Variants in GABRR1 observed in about 807,000 individuals in gnomAD.
GABRR1 encodes the protein gamma-aminobutyric acid type A receptor subunit rho1.
In GABRR1, 59 loss-of-function variants were observed where a neutral mutation model predicts 55.5. That is an observed-to-expected ratio of 1.06 (90% CI 0.86 to 1.32). The LOEUF is 1.32. GABRR1 is among the 40% of genes most tolerant of loss of function. The probability of loss-of-function intolerance (pLI) is 0.00; values close to 1 mark genes in which losing one functional copy is unlikely to be tolerated. For synonymous variants in GABRR1, 213 were observed against 226.0 expected, an observed-to-expected ratio of 0.94 and a Z score of 0.51; for missense variants, 602 against 619.1, an observed-to-expected ratio of 0.97 and a Z score of 0.29.
intron 2 of GABRR1, among the ~76,000 whole-genome samples, chr6:89,202,532 A>T (rs1763607877): frequency 6.6e-6 from 1 of 151,816 alleles, no homozygotes; most frequent in Admixed American, 6.6e-5. Flanking sequence ...GCCTCAAGTG[A>T]TCCACCCACC....
intron 5 of GABRR1, among the ~76,000 whole-genome samples, chr6:89,193,394 T>C (rs1223972304): frequency 6.6e-6 from 1 of 152,014 alleles, no homozygotes; most frequent in Non-Finnish European, 1.5e-5. Flanking sequence ...AGATCTCTCT[T>C]TTTTTTTCAT....
intron 6 of GABRR1, 45 bp from the exon 7 acceptor site, chr6:89,185,495 C>G: frequency 6.4e-7 from 1 of 1,566,698 alleles, no homozygotes; most frequent in South Asian, 1.1e-5. Flanking sequence ...GGTGGCAAGA[C>G]AGGATGGTCT....
intron 7 of GABRR1, 35 bp from the exon 8 acceptor site, chr6:89,182,092 A>T (rs1343506723): frequency 6.2e-7 from 1 of 1,608,426 alleles, no homozygotes; most frequent in African/African-American, 1.3e-5. Flanking sequence ...AGTACACATC[A>T]TGGCTCCTTC....
At chr6:89,223,681 G>T (rs1186899) in intron 1 of GABRR1, among the ~76,000 whole-genome samples, 96,606 of 150,840 alleles carry the variant, frequency 0.64, 31,128 homozygotes, top group African/African-American at 0.7. Context: ...TGTAGAAGTG[G>T]TTCCTTTTCA....
At chr6:89,192,406 G>A (rs1772127201) in intron 5 of GABRR1, among the ~76,000 whole-genome samples, 1 of 152,048 alleles carries the variant, frequency 6.6e-6, no homozygotes, top group African/African-American at 2.4e-5. Context: ...TAACTGCACA[G>A]TGTCCCAAAC....
chr6:89,211,247 T>C (rs1772825697), intron 1 of GABRR1, among the ~76,000 whole-genome samples: 1 of 152,150 alleles, frequency 6.6e-6, no homozygotes, highest in Non-Finnish European at 1.5e-5. Flanking sequence ...ATCCAGTCCA[T>C]AATCCCACAG....
chr6:89,230,944 GGT>G (rs1204499105), intron 1 of GABRR1, among the ~76,000 whole-genome samples: 10 of 151,846 alleles, frequency 6.6e-5, no homozygotes, highest in Non-Finnish European at 1.0e-4. Context: ...CTCCGAGCCA[GGT>G]GTGGGATATA....
chr6:89,206,785 T>TAA (rs3047113), intron 1 of GABRR1, among the ~76,000 whole-genome samples: 5,079 of 149,492 alleles, frequency 0.034, 267 homozygotes, highest in African/African-American at 0.12. Flanking sequence ...CCAGCTAATT[T>TAA]AAAAAAAAAA....
chr6:89,215,682 C>T (rs1303286244), intron 1 of GABRR1, among the ~76,000 whole-genome samples: 2 of 151,980 alleles, frequency 1.3e-5, no homozygotes, highest in Non-Finnish European at 2.9e-5. Context: ...AATGTTCTCA[C>T]CACAAAAAAA....
chr6:89,191,958 C>A (rs1346981783), intron 5 of GABRR1, among the ~76,000 whole-genome samples: 2 of 151,778 alleles, frequency 1.3e-5, no homozygotes, highest in African/African-American at 4.8e-5. Flanking sequence ...AGGAGAACTG[C>A]TTGAACCTGG....
At chr6:89,203,550 C>T in intron 1 of GABRR1, 65 bp from the exon 2 acceptor site, 2 of 1,151,612 alleles carry the variant, frequency 1.7e-6, no homozygotes, top group South Asian at 1.2e-5. Flanking sequence ...CAACCAAGCA[C>T]CCCTCTCCCT....
intron 1 of GABRR1, among the ~76,000 whole-genome samples, chr6:89,213,592 G>A (rs2127807448): frequency 6.6e-6 from 1 of 152,322 alleles, no homozygotes; most frequent in Middle Eastern, 3.4e-3. Flanking sequence ...GCAACCAAAT[G>A]TCTGTAAATA....
At chr6:89,179,529 T>C (rs974580245) in intron 9 of GABRR1, among the ~76,000 whole-genome samples, 5 of 152,204 alleles carry the variant, frequency 3.3e-5, no homozygotes, top group African/African-American at 1.2e-4. Flanking sequence ...CTGGTATCCA[T>C]TTTTGCTGAT....
intron 9 of GABRR1, 27 bp downstream of exon 9, chr6:89,180,265 G>GAC (rs767141098): frequency 1.9e-6 from 3 of 1,605,758 alleles, no homozygotes; most frequent in Admixed American, 1.7e-5. Flanking sequence ...ATCCTGACCA[G>GAC]ACACTATAAG....
intron 6 of GABRR1, among the ~76,000 whole-genome samples, chr6:89,187,478 T>C (rs1462981686): frequency 6.6e-6 from 1 of 152,212 alleles, no homozygotes; most frequent in African/African-American, 2.4e-5. Context: ...GCACAGCATT[T>C]TAAAATTTTC....
intron 3 of GABRR1, 110 bp downstream of exon 3, chr6:89,201,049 A>C (rs1353303914): frequency 2.6e-6 from 2 of 764,700 alleles, no homozygotes; most frequent in African/African-American, 3.5e-5. Flanking sequence ...AGCACAACTG[A>C]GGCAGACCGG....
At chr6:89,191,042 C>T (rs534859916) in intron 5 of GABRR1, among the ~76,000 whole-genome samples, 3 of 152,122 alleles carry the variant, frequency 2.0e-5, no homozygotes, top group Non-Finnish European at 4.4e-5. Context: ...ATATTTGCTA[C>T]GCAAAAGTTG....
intron 1 of GABRR1, among the ~76,000 whole-genome samples, chr6:89,215,729 C>T (rs1020830255): frequency 2.0e-5 from 3 of 152,168 alleles, no homozygotes; most frequent in African/African-American, 7.2e-5. Context: ...ACTAATTAGA[C>T]TTAATCATTC....
At chr6:89,209,372 A>G (rs1002016190) in intron 1 of GABRR1, among the ~76,000 whole-genome samples, 1 of 152,144 alleles carries the variant, frequency 6.6e-6, no homozygotes, top group Non-Finnish European at 1.5e-5. Flanking sequence ...TAACTTGTAG[A>G]TATCTATTTG....
Sources: gnomAD v4.1 joint callset for allele counts (sites outside exome capture counted in the v4.1 genomes callset) on GRCh38, gnomAD v4.1.1 for gene constraint, MANE v1.5 for transcripts, NCBI Gene and HGNC (gene_info 2026-07-23, HGNC 2026-07-21) for gene names.